PHF3: variants seen among roughly 807,000 people sequenced by gnomAD.
PHF3 encodes PHD finger protein 3.
A neutral mutation model predicts 178.4 loss-of-function variants in PHF3; 41 were observed. The ratio of observed to expected loss-of-function variants is 0.23; its 90% confidence interval spans 0.18 to 0.30. PHF3 has a LOEUF of 0.30. PHF3 is among the 10% of genes least tolerant of loss of function. The pLI is 1.00. For missense variants in PHF3, 2,346 were observed against 2,398.1 expected (o/e 0.98, Z 0.45); for synonymous variants, 842 against 800.5 (o/e 1.05, Z -0.88).
At position 63,641,412 on chromosome 6, in the gene PHF3, C is replaced by G. The variant is rs188242898; in HGVS notation, c.-25-5115C>G. ...TGATAAATTTTTGCTCCCCTCACAC[C>G]ACCCCCCTACACACACACCCACAGA... On this transcript the variant is annotated intron_variant, in intron 1 of 15. Coordinates refer to ENST00000262043, the MANE Select transcript of PHF3 (RefSeq NM_001370348.2). 1.3e-4 allele frequency among the ~76,000 whole-genome samples: 20 copies of G among 152,110 alleles called. No individual in the cohort carries two copies. The East Asian group carries it at 3.3e-3, about 25-fold the overall frequency.
chr6:63,692,111 T>G (rs565285070), intron 5 of PHF3, 68 bp downstream of exon 5: 1 of 1,134,582 alleles, frequency 8.8e-7, no homozygotes, highest in Admixed American at 2.8e-5. Context: ...CTGCAATAAT[T>G]TTGAAATTTC....
At chr6:63,676,867 T>G (rs1421866898) in intron 2 of PHF3, among the ~76,000 whole-genome samples, 1 of 152,088 alleles carries the variant, frequency 6.6e-6, no homozygotes, top group South Asian at 2.1e-4. Flanking sequence ...CAGTCTTAGA[T>G]GAGAGATGTG....
In PHF3 at chr6:63,637,360, A is replaced by G. The variant is rs557880917; in HGVS notation, c.-26+1210A>G. The stretch of plus-strand genomic sequence containing the variant: ...CCATTATTCATTTTTCGATTCCTGA[A>G]TGAAGTGTTTGGAACTGTGAAAATA... On this transcript the variant is annotated intron_variant, in intron 1 of 15. Transcript: ENST00000262043. Among the ~76,000 whole-genome samples the G allele has an allele frequency of 1.0e-3, 159 of 152,302 alleles. 1 individual carries two copies. The highest frequency in any genetic ancestry group is 3.7e-3 in the African/African-American group (153 of 41,566).
At chr6:63,703,350 TCA>T (rs1767556564) in intron 10 of PHF3, among the ~76,000 whole-genome samples, 184 bp from the exon 11 acceptor site, 1 of 152,084 alleles carries the variant, frequency 6.6e-6, no homozygotes, top group Non-Finnish European at 1.5e-5. Context: ...CTCTTTTAAG[TCA>T]CAGTTAAAAG....
intron 2 of PHF3, among the ~76,000 whole-genome samples, chr6:63,678,423 A>G (rs1766279226): frequency 6.6e-6 from 1 of 152,306 alleles, no homozygotes; most frequent in Admixed American, 6.5e-5. Flanking sequence ...CTTTTAGCGC[A>G]TAGCATAATG....
chr6:63,707,645 C>T (rs545690740), intron 13 of PHF3, among the ~76,000 whole-genome samples: 3 of 151,054 alleles, frequency 2.0e-5, no homozygotes, highest in Non-Finnish European at 4.4e-5. Context: ...CATTTATTCT[C>T]TATCTGCTGA....
At chr6:63,638,495 T>C (rs1436812378) in intron 1 of PHF3, among the ~76,000 whole-genome samples, 1 of 152,146 alleles carries the variant, frequency 6.6e-6, no homozygotes, top group African/African-American at 2.4e-5. Context: ...TTACATATGT[T>C]TTTTCTGGAG....
At chr6:63,709,974 G>A (rs1363905230) in intron 14 of PHF3, among the ~76,000 whole-genome samples, 2 of 151,934 alleles carry the variant, frequency 1.3e-5, no homozygotes, top group Non-Finnish European at 2.9e-5. Flanking sequence ...ATCATTAGAA[G>A]AAATTGTTTT....
chr6:63,638,532 G>C (rs533611854), intron 1 of PHF3, among the ~76,000 whole-genome samples: 1 of 152,118 alleles, frequency 6.6e-6, no homozygotes, highest in African/African-American at 2.4e-5. Context: ...TTTTTAGTGA[G>C]ATAATGAGAT....
At chr6:63,642,551 G>T (rs1764620106) in intron 1 of PHF3, among the ~76,000 whole-genome samples, 2 of 152,232 alleles carry the variant, frequency 1.3e-5, no homozygotes, top group African/African-American at 4.8e-5. Flanking sequence ...TCTGTTGTCT[G>T]TAAAAATGAA....
chr6:63,638,238 G>T (rs1158488964), intron 1 of PHF3, among the ~76,000 whole-genome samples: 1 of 152,110 alleles, frequency 6.6e-6, no homozygotes, highest in East Asian at 1.9e-4. Flanking sequence ...CTTATGTAAT[G>T]TATTACTTAT....
rs759353103 is a variant in PHF3, at chr6:63,712,691, G to T, written c.5103G>T (p.Leu1701Phe). The T allele has an allele frequency of 1.9e-6, 3 of 1,613,924 alleles. No homozygotes were observed. ...LTEQINVEEK[L>F]CSAEKNSCVQ... ...AACAAATCAATGTAGAGGAAAAGTT[G>T]TGTTCTGCAGAGAAAAACTCGTGTG... The change falls in exon 16 of 16, where the codon TTG (leucine) becomes TTT (phenylalanine). Residue 1701 changes from leucine (L) to phenylalanine (F), a missense_variant. This residue lies in a region of PHF3 where 839 missense variants were observed against 806.9 expected (regional missense o/e 1.04). Transcript: ENST00000262043.
chr6:63,661,427 A>C (rs1765460955), intron 2 of PHF3, among the ~76,000 whole-genome samples: 1 of 152,218 alleles, frequency 6.6e-6, no homozygotes, highest in Admixed American at 6.6e-5. Context: ...AAGGTGAAGA[A>C]TACAATGTCC....
chr6:63,707,113 C>G (rs1306082297), intron 13 of PHF3, among the ~76,000 whole-genome samples: 1 of 152,236 alleles, frequency 6.6e-6, no homozygotes, highest in Non-Finnish European at 1.5e-5. Context: ...TACTGCCTCA[C>G]TGTGTCAGAT....
chr6:63,669,975 A>AT (rs950466564), intron 2 of PHF3, among the ~76,000 whole-genome samples: 8 of 151,272 alleles, frequency 5.3e-5, no homozygotes, highest in South Asian at 2.1e-4. Flanking sequence ...CAGAGTTGAC[A>AT]TTTTTTTTTC....
chr6:63,709,314 A>G (rs1561983425), intron 14 of PHF3, 74 bp downstream of exon 14: 3 of 975,872 alleles, frequency 3.1e-6, no homozygotes, highest in South Asian at 2.7e-5. Context: ...TTCTTATGCA[A>G]GGGTGCAAAG....
chr6:63,639,529 G>A (rs1243842283), intron 1 of PHF3, among the ~76,000 whole-genome samples: 2 of 152,030 alleles, frequency 1.3e-5, no homozygotes, highest in African/African-American at 4.8e-5. Context: ...CATTTTTTAA[G>A]ATTTCATTAA....
chr6:63,707,794 A>T (rs182129094), intron 13 of PHF3, among the ~76,000 whole-genome samples: 2 of 152,094 alleles, frequency 1.3e-5, no homozygotes, highest in East Asian at 3.9e-4. Context: ...AGTTTAATTC[A>T]ATGTAATACT....
chr6:63,700,393 A>T lies in PHF3; in HGVS notation c.3026A>T (p.His1009Leu). 6.2e-7 allele frequency: 1 copy of T among 1,600,024 alleles called. No homozygotes were observed. Among genetic ancestry groups the T allele is most frequent in the Non-Finnish European group, 8.5e-7 (1 of 1,169,744 alleles). Residue 1009 changes from histidine to leucine, a missense_variant, in exon 9 of 16, where the codon CAT becomes CTT. His to Leu is a moderately conservative substitution (Grantham distance 99, BLOSUM62 -3). Coordinates refer to ENST00000262043, the MANE Select transcript of PHF3 (RefSeq NM_001370348.2). ...KVLKGEVTPD[H>L]LIRMSPEELA... is the part of the protein sequence containing the mutation. ...CTGAAAGGAGAAGTAACTCCTGATC[A>T]TCTTATCAGAATGAGTCCAGAAGAA...
Sources: gnomAD v4.1 joint callset for allele counts (sites outside exome capture counted in the v4.1 genomes callset) on GRCh38, gnomAD v4.1.1 for gene constraint, gnomAD v4.1.1 regional missense constraint, MANE v1.5 for transcripts, NCBI Gene and HGNC (gene_info 2026-07-23, HGNC 2026-07-21) for gene names.